ARMC2: variants seen among roughly 807,000 people sequenced by gnomAD.
The protein encoded by ARMC2 is armadillo repeat containing 2, also known as armadillo repeat-containing protein 2.
In ARMC2, 67 loss-of-function variants were observed where a neutral mutation model predicts 90.3. The ratio of observed to expected loss-of-function variants is 0.74; its 90% CI spans 0.61 to 0.91. The LOEUF (loss-of-function observed/expected upper bound fraction) is 0.91. Among genes scored for constraint, ARMC2 ranks in the 40% least tolerant of loss-of-function variants. The pLI is 0.00. For missense variants in ARMC2, 920 were observed against 1,030.9 expected, an observed-to-expected ratio of 0.89 and a Z score of 1.47; for synonymous variants, 393 against 393.0, an observed-to-expected ratio of 1.00 and a Z score of 0.00.
chr6:108,961,976 A>G, intron 14 of ARMC2, 38 bp from the exon 15 acceptor site: 1 of 1,420,716 alleles, frequency 7.0e-7, no homozygotes, highest in South Asian at 1.2e-5. Context: ...GTTAAAACTT[A>G]AATTCACTGA....
At chr6:108,937,413 C>G (rs1169188677) in intron 12 of ARMC2, among the ~76,000 whole-genome samples, 1 of 152,096 alleles carries the variant, frequency 6.6e-6, no homozygotes, top group Non-Finnish European at 1.5e-5. Flanking sequence ...ACCTAGCCAT[C>G]TGCATTTTAA....
chr6:109,050,631 C>T, the ARMC2 span, among the ~76,000 whole-genome samples: 1 of 152,176 alleles, frequency 6.6e-6, no homozygotes, highest in Non-Finnish European at 1.5e-5. Context: ...AATGGGCAGG[C>T]AGCAGAAGTT....
the ARMC2 span, among the ~76,000 whole-genome samples, chr6:109,024,558 G>A: frequency 6.6e-6 from 1 of 152,152 alleles, no homozygotes; most frequent in African/African-American, 2.4e-5. Context: ...TTCTACAGAT[G>A]CTTCTCAACT....
intron 12 of ARMC2, among the ~76,000 whole-genome samples, chr6:108,944,946 A>T (rs1259111926): frequency 6.6e-6 from 1 of 152,148 alleles, no homozygotes; most frequent in African/African-American, 2.4e-5. Flanking sequence ...AAGATCCATG[A>T]TGCAACTAGT....
At chr6:108,928,813 G>A (rs915080399) in intron 11 of ARMC2, among the ~76,000 whole-genome samples, 6 of 151,920 alleles carry the variant, frequency 3.9e-5, no homozygotes, top group East Asian at 1.9e-4. Flanking sequence ...GTTTCCTCCC[G>A]CGCTGCTCTT....
At chr6:108,900,649 A>C (rs1772041011) in intron 7 of ARMC2, among the ~76,000 whole-genome samples, 1 of 152,168 alleles carries the variant, frequency 6.6e-6, no homozygotes, top group African/African-American at 2.4e-5. Context: ...GAAAGGTTCA[A>C]ATGACCTCAC....
intron 7 of ARMC2, among the ~76,000 whole-genome samples, chr6:108,901,686 G>C (rs894308800): frequency 6.6e-6 from 1 of 152,078 alleles, no homozygotes; most frequent in African/African-American, 2.4e-5. Flanking sequence ...CAAAGTTTTG[G>C]GATTACAGGT....
In ARMC2 at chr6:108,972,332, G is replaced by A. The variant is rs148957071; in HGVS notation, c.2447-1025G>A. On this transcript the variant is annotated intron_variant, in intron 17 of 17. Transcript: ENST00000392644. ...CTCACTTGGGATTCTAATACTCCTTGGGATTCCCAAGGTCTCTCAGTTTTC... is the reference window on the plus strand; with the variant it reads ...CTCACTTGGGATTCTAATACTCCTTAGGATTCCCAAGGTCTCTCAGTTTTC... Among the ~76,000 whole-genome samples, 363 of 152,278 alleles carry A rather than the reference G, an allele frequency of 2.4e-3. 8 individuals carry two copies. The highest frequency in any genetic ancestry group is 7.1e-4 in the Non-Finnish European group (48 of 68,020).
intron 10 of ARMC2, among the ~76,000 whole-genome samples, chr6:108,924,970 G>C (rs959913048): frequency 6.6e-6 from 1 of 152,190 alleles, no homozygotes; most frequent in African/African-American, 2.4e-5. Context: ...GAGTTTAGGA[G>C]CTTGGGAAGG....
At chr6:109,013,833 A>G in the ARMC2 span, among the ~76,000 whole-genome samples, 3 of 152,162 alleles carry the variant, frequency 2.0e-5, no homozygotes, top group African/African-American at 7.2e-5. Context: ...GGTTTATAAG[A>G]CTACTTCTGC....
chr6:108,932,353 G>C (rs1775623539), intron 11 of ARMC2, among the ~76,000 whole-genome samples: 1 of 151,592 alleles, frequency 6.6e-6, no homozygotes, highest in South Asian at 2.1e-4. Flanking sequence ...TTACCTTCCA[G>C]GGTCTTCATA....
intron 4 of ARMC2, among the ~76,000 whole-genome samples, chr6:108,871,175 A>G (rs1459254731): frequency 6.6e-6 from 1 of 152,138 alleles, no homozygotes; most frequent in South Asian, 2.1e-4. Flanking sequence ...GTGGCTGGAA[A>G]GTGGCTGATC....
intron 7 of ARMC2, among the ~76,000 whole-genome samples, chr6:108,901,950 G>C (rs78556557): frequency 0.033 from 4,982 of 152,210 alleles, 217 homozygotes; most frequent in East Asian, 0.2. Context: ...ATGTTTTCCC[G>C]TGATGAGCTC....
At chr6:108,854,522 T>G (rs1307527779) in intron 2 of ARMC2, 37 bp downstream of exon 2, 39 of 1,582,666 alleles carry the variant, frequency 2.5e-5, no homozygotes, top group Non-Finnish European at 3.2e-5. Context: ...ATTCAGATAT[T>G]TAAGCACCAG....
At chr6:108,954,345 G>A (rs1228918758) in intron 13 of ARMC2, among the ~76,000 whole-genome samples, 1 of 152,136 alleles carries the variant, frequency 6.6e-6, no homozygotes, top group Non-Finnish European at 1.5e-5. Context: ...CCACTATTAG[G>A]TGGGCCTGGT....
chr6:108,907,474 T>TAAA, intron 8 of ARMC2: 17 of 512,424 alleles, frequency 3.3e-5, no homozygotes, highest in Middle Eastern at 5.3e-4. Flanking sequence ...TTTTTTTTTT[T>TAAA]TTTACCAGTC....
At chr6:109,012,355 ATTC>A in the ARMC2 span, among the ~76,000 whole-genome samples, 1 of 152,070 alleles carries the variant, frequency 6.6e-6, no homozygotes, top group African/African-American at 2.4e-5. Context: ...AGTAATAGTA[ATTC>A]TGAAATATTT....
chr6:108,907,458 CT>C (rs759986578), intron 8 of ARMC2, among the ~76,000 whole-genome samples: 27,652 of 104,334 alleles, frequency 0.27, 3,066 homozygotes, highest in African/African-American at 0.35. Flanking sequence ...TTCTTTCTTT[CT>C]TTTTTTTTTT....
chr6:108,879,554 C>A (rs1777306908), intron 5 of ARMC2, among the ~76,000 whole-genome samples: 1 of 138,478 alleles, frequency 7.2e-6, no homozygotes, highest in Admixed American at 7.1e-5. Context: ...ACCCACCCAC[C>A]CACGCAGTCA....
Sources: allele counts gnomAD v4.1 joint callset (sites outside exome capture counted in the v4.1 genomes callset), GRCh38; gene constraint gnomAD v4.1.1; transcripts MANE v1.5; gene names NCBI Gene and HGNC (gene_info 2026-07-23, HGNC 2026-07-21).